TENM2: variants seen among roughly 807,000 people sequenced by gnomAD.
TENM2 encodes the protein teneurin transmembrane protein 2, also known as teneurin-2.
In TENM2, 52 loss-of-function variants were observed where a neutral mutation model predicts 245.2. The ratio of observed to expected loss-of-function variants is 0.21; its 90% CI spans 0.17 to 0.27. The LOEUF is 0.27. Among genes scored for constraint, TENM2 ranks in the 10% least tolerant of loss-of-function variants. TENM2 has a pLI of 1.00. For synonymous variants in TENM2, 1,363 were observed against 1,438.9 expected, an observed-to-expected ratio of 0.95 and a Z score of 1.19; for missense variants, 3,046 against 3,666.8, an observed-to-expected ratio of 0.83 and a Z score of 4.37.
Position 168,218,148 on chromosome 5 carries a change from C to A in TENM2, c.4257C>A (p.Asp1419Glu). 1.2e-6 allele frequency: 2 copies of A among 1,613,486 alleles called. No homozygotes were observed. The highest frequency in any genetic ancestry group is 1.7e-6 in the Non-Finnish European group (2 of 1,179,506). ...AGGTTCGTCTGGAGTGGCCAACAGA[C>A]CTTGCTGTCAATCCCATGGATAACT... Residue 1419 changes from aspartate (D) to glutamate (E), a missense_variant, in exon 23 of 29, where the codon GAC becomes GAA. Asp to Glu is a conservative substitution (Grantham distance 45). This residue lies in a region of TENM2 where 2,704 missense variants were observed against 3,331.9 expected (regional missense o/e 0.81). Coordinates refer to ENST00000518659, the Ensembl canonical transcript of TENM2. This position sits in a 1 kb window ranked among gnomAD's most constrained non-coding sequence, Gnocchi z 5.2.
At chr5:167,043,681 A>G in the TENM2 span, among the ~76,000 whole-genome samples, 1 of 152,172 alleles carries the variant, frequency 6.6e-6, no homozygotes, top group Non-Finnish European at 1.5e-5. Context: ...TGAAGGGTTT[A>G]TGCAGATGTA....
At chr5:167,388,953 A>C (rs1212682910) in intron 2 of TENM2, among the ~76,000 whole-genome samples, 1 of 152,026 alleles carries the variant, frequency 6.6e-6, no homozygotes, top group Admixed American at 6.6e-5. Context: ...TTATCAGAGT[A>C]AGTATATTTA....
At chr5:167,761,524 A>C (rs1191178253) in intron 2 of TENM2, among the ~76,000 whole-genome samples, 1 of 152,194 alleles carries the variant, frequency 6.6e-6, no homozygotes, top group African/African-American at 2.4e-5. Flanking sequence ...TCATCCTAAA[A>C]TCATGTTCTA....
At chr5:167,778,787 G>A (rs1763983872) in intron 2 of TENM2, among the ~76,000 whole-genome samples, 1 of 152,114 alleles carries the variant, frequency 6.6e-6, no homozygotes, top group Non-Finnish European at 1.5e-5. Flanking sequence ...TGTAGAATAG[G>A]CTTATGATGC....
chr5:167,129,982 A>G, the TENM2 span, among the ~76,000 whole-genome samples: 4 of 152,150 alleles, frequency 2.6e-5, no homozygotes, highest in African/African-American at 9.7e-5. Flanking sequence ...ATAACCATGG[A>G]GCAGGTGGGG....
intron 3 of TENM2, among the ~76,000 whole-genome samples, chr5:167,916,761 C>A (rs1450082840): frequency 1.3e-5 from 2 of 152,108 alleles, no homozygotes; most frequent in Non-Finnish European, 2.9e-5. Flanking sequence ...AAAGAAAATC[C>A]GTGGGAGGCC....
At chr5:167,914,142 C>T (rs528661028) in intron 3 of TENM2, among the ~76,000 whole-genome samples, 71 of 152,316 alleles carry the variant, frequency 4.7e-4, no homozygotes, top group Admixed American at 1.1e-3. Context: ...TCTGAGTTGA[C>T]TTGTACAAGT....
At chr5:167,051,625 T>C in the TENM2 span, among the ~76,000 whole-genome samples, 151 of 152,304 alleles carry the variant, frequency 9.9e-4, no homozygotes, top group African/African-American at 3.6e-3. Context: ...AGAGAAACTT[T>C]CGCTTGCTCA....
chr5:168,090,538 T>C (rs760630928), intron 7 of TENM2, 36 bp from the exon 10 acceptor site: 4 of 1,591,894 alleles, frequency 2.5e-6, no homozygotes, highest in Non-Finnish European at 3.4e-6. Context: ...CATCCACACC[T>C]TGTCTCATGC....
chr5:167,434,520 C>T (rs572575713), intron 2 of TENM2, among the ~76,000 whole-genome samples: 62 of 150,390 alleles, frequency 4.1e-4, no homozygotes, highest in Admixed American at 8.6e-4. Flanking sequence ...AAATACTCAA[C>T]CAAATTGTTT....
At chr5:167,632,209 G>C (rs776330775) in intron 2 of TENM2, among the ~76,000 whole-genome samples, 16 of 152,096 alleles carry the variant, frequency 1.1e-4, no homozygotes, top group Non-Finnish European at 2.4e-4. Context: ...TGTTGAGTTG[G>C]GCTTGACATG....
At chr5:167,194,683 A>G in the TENM2 span, among the ~76,000 whole-genome samples, 1 of 152,018 alleles carries the variant, frequency 6.6e-6, no homozygotes, top group Non-Finnish European at 1.5e-5. Context: ...TGGTCCCTGG[A>G]CAAACCCATT....
chr5:167,219,263 G>A, the TENM2 span, among the ~76,000 whole-genome samples: 9 of 152,200 alleles, frequency 5.9e-5, no homozygotes, highest in Admixed American at 5.2e-4. Context: ...TGGCGCCATT[G>A]TGCTCCAGCT....
intron 2 of TENM2, among the ~76,000 whole-genome samples, chr5:167,835,907 A>G (rs973597391): frequency 2.0e-5 from 3 of 152,200 alleles, no homozygotes; most frequent in Admixed American, 1.3e-4. Flanking sequence ...CACTCAATTG[A>G]TAAAACAACA....
At chr5:167,620,047 T>G (rs1033102563) in intron 2 of TENM2, among the ~76,000 whole-genome samples, 4 of 152,118 alleles carry the variant, frequency 2.6e-5, no homozygotes, top group Admixed American at 6.6e-5. Context: ...GTATGTATTT[T>G]AAGAGTAGGG....
intron 2 of TENM2, among the ~76,000 whole-genome samples, chr5:167,670,715 T>C (rs768788203): frequency 6.6e-6 from 1 of 152,196 alleles, no homozygotes; most frequent in African/African-American, 2.4e-5. Flanking sequence ...CTTTTTTCCT[T>C]GGAAGGTATT....
intron 1 of TENM2, among the ~76,000 whole-genome samples, chr5:167,359,558 A>G (rs1759572795): frequency 6.6e-6 from 1 of 151,734 alleles, no homozygotes; most frequent in Admixed American, 6.6e-5. Flanking sequence ...AAGATATTAC[A>G]TACTTAAGTT....
At chr5:167,993,984 G>A (rs946505811) in intron 5 of TENM2, among the ~76,000 whole-genome samples, 1 of 152,250 alleles carries the variant, frequency 6.6e-6, no homozygotes, top group Non-Finnish European at 1.5e-5. Flanking sequence ...AGGGTGCCAC[G>A]TGCATAAGAG....
the TENM2 span, among the ~76,000 whole-genome samples, chr5:167,176,986 G>A: frequency 9.2e-5 from 14 of 152,158 alleles, no homozygotes; most frequent in Admixed American, 5.2e-4. Context: ...AAACTGCAAC[G>A]TCAAAGCTTT....
Sources: gnomAD v4.1 joint callset for allele counts (sites outside exome capture counted in the v4.1 genomes callset) on GRCh38, gnomAD v4.1.1 for gene constraint, gnomAD v4.1.1 regional missense constraint, Gnocchi (gnomAD v3.1) non-coding constraint, MANE v1.5 for transcripts, NCBI Gene and HGNC (gene_info 2026-07-23, HGNC 2026-07-21) for gene names.